KDM6A: variants seen among roughly 807,000 people sequenced by gnomAD.
The protein encoded by KDM6A is lysine demethylase 6A.
In KDM6A, 11 loss-of-function variants were observed where a neutral mutation model predicts 117.6. That is an observed-to-expected ratio of 0.09 (90% CI 0.06 to 0.15). The LOEUF (loss-of-function observed/expected upper bound fraction) is 0.15. KDM6A is among the 10% of genes least tolerant of loss of function. The pLI, the probability that KDM6A is intolerant of heterozygous loss-of-function variation, is 1.00. For synonymous variants in KDM6A, 384 were observed against 396.1 expected, an observed-to-expected ratio of 0.97 and a Z score of 0.36; for missense variants, 799 against 1,077.3, an observed-to-expected ratio of 0.74 and a Z score of 3.62.
In KDM6A at chrX:44,873,462, G is replaced by A; in HGVS notation, c.-90G>A. ...GAGGAGGCGGCGATAAAGTTGGTGTGCTGGTCCCGCGCGCAGATTGGGGGC... is the reference window on the plus strand; with the variant it reads ...GAGGAGGCGGCGATAAAGTTGGTGTACTGGTCCCGCGCGCAGATTGGGGGC... On this transcript the variant is annotated 5_prime_UTR_variant, in exon 1 of 30. Transcript: ENST00000611820. 8.7e-7 allele frequency: 1 copy of A among 1,154,029 alleles called. No individual in the cohort carries two copies. Among genetic ancestry groups the A allele is most frequent in the Non-Finnish European group, 1.2e-6 (1 of 847,249 alleles).
intron 4 of KDM6A, among the ~76,000 whole-genome samples, chrX:44,999,419 A>G (rs2041031260): frequency 9.0e-6 from 1 of 110,759 alleles, no homozygotes; most frequent in Non-Finnish European, 1.9e-5. Flanking sequence ...GATTGGCTAA[A>G]GAGAGTGATG....
intron 18 of KDM6A, among the ~76,000 whole-genome samples, chrX:45,076,021 G>A: frequency 9.0e-6 from 1 of 111,212 alleles, no homozygotes; most frequent in East Asian, 2.8e-4. Context: ...AAGAATTATT[G>A]TTAGGGAATA....
At chrX:45,064,967 G>A (rs1428926680) in intron 17 of KDM6A, among the ~76,000 whole-genome samples, 1 of 111,773 alleles carries the variant, frequency 8.9e-6, no homozygotes, top group East Asian at 2.8e-4. Flanking sequence ...TCTACTTGGT[G>A]TAGGTAAATA....
intron 7 of KDM6A, among the ~76,000 whole-genome samples, chrX:45,036,715 C>T (rs929759622): frequency 9.8e-5 from 11 of 112,128 alleles, no homozygotes; most frequent in African/African-American, 3.2e-4. Context: ...AGAAAACAAC[C>T]GATTATCTTT....
At chrX:45,064,807 G>T (rs750157863) in intron 17 of KDM6A, among the ~76,000 whole-genome samples, 1 of 111,673 alleles carries the variant, frequency 9.0e-6, no homozygotes, top group Non-Finnish European at 1.9e-5. Flanking sequence ...AGATTTTTAA[G>T]TTTATTCTTG....
At chrX:44,968,411 A>G (rs182125474) in intron 3 of KDM6A, among the ~76,000 whole-genome samples, 9 of 112,405 alleles carry the variant, frequency 8.0e-5, no homozygotes, top group Admixed American at 3.8e-4. Flanking sequence ...AAGCTAACCC[A>G]TGAACCTCCG....
chrX:45,062,838 T>G (rs1301571770), intron 16 of KDM6A, 90 bp downstream of exon 16: 2 of 585,008 alleles, frequency 3.4e-6, no homozygotes, highest in East Asian at 7.0e-5. Context: ...TTTATGTTCA[T>G]TTTTACTTTC....
intron 27 of KDM6A, among the ~76,000 whole-genome samples, chrX:45,094,016 C>T (rs2046002083): frequency 9.0e-6 from 1 of 111,558 alleles, no homozygotes; most frequent in African/African-American, 3.3e-5. Flanking sequence ...GCTTGAGTAC[C>T]TATTGACACA....
intron 8 of KDM6A, among the ~76,000 whole-genome samples, chrX:45,040,677 C>A (rs1284218751): frequency 2.9e-4 from 18 of 62,635 alleles, no homozygotes; most frequent in Non-Finnish European, 5.1e-4. Flanking sequence ...GGGGGGCTGA[C>A]CCCCCCCACC....
intron 17 of KDM6A, among the ~76,000 whole-genome samples, chrX:45,064,744 G>T (rs1435031700): frequency 8.9e-6 from 1 of 111,926 alleles, no homozygotes; most frequent in Non-Finnish European, 1.9e-5. Flanking sequence ...ATATTTGGCT[G>T]ATTGTCGGTT....
At chrX:44,960,716 G>C (rs889379885) in intron 2 of KDM6A, among the ~76,000 whole-genome samples, 13 of 111,708 alleles carry the variant, frequency 1.2e-4, no homozygotes, top group African/African-American at 4.2e-4. Context: ...ATTGGAGTTA[G>C]GAAGTAAGAT....
intron 8 of KDM6A, among the ~76,000 whole-genome samples, chrX:45,039,187 C>T (rs1338164697): frequency 9.0e-6 from 1 of 110,812 alleles, no homozygotes. Flanking sequence ...TACCTCAACC[C>T]TCCCCATCTG....
chrX:45,047,685 T>TAG (rs2043625404), intron 8 of KDM6A, among the ~76,000 whole-genome samples: 4 of 68,942 alleles, frequency 5.8e-5, no homozygotes, highest in African/African-American at 2.1e-4. Flanking sequence ...TTTTTTTTTT[T>TAG]TTTTTTTTTT....
chrX:45,097,960 T>C (rs2046180148), intron 27 of KDM6A, among the ~76,000 whole-genome samples: 1 of 112,435 alleles, frequency 8.9e-6, no homozygotes, highest in Non-Finnish European at 1.9e-5. Context: ...CATTTGATAA[T>C]GCAGTGAACT....
intron 16 of KDM6A, among the ~76,000 whole-genome samples, 157 bp downstream of exon 16, chrX:45,062,905 G>A (rs1489594927): frequency 1.8e-5 from 2 of 111,824 alleles, no homozygotes; most frequent in African/African-American, 3.3e-5. Context: ...GGTAATTGAC[G>A]GAGATTTTTA....
chrX:44,878,211 A>G (rs1423993762), intron 2 of KDM6A, among the ~76,000 whole-genome samples: 1 of 111,240 alleles, frequency 9.0e-6, no homozygotes, highest in Non-Finnish European at 1.9e-5. Flanking sequence ...CTGAATTCCA[A>G]AATGCTCCAA....
chrX:44,931,887 G>A (rs2036646153), intron 2 of KDM6A, among the ~76,000 whole-genome samples: 1 of 110,624 alleles, frequency 9.0e-6, no homozygotes, highest in Non-Finnish European at 1.9e-5. Context: ...ATGATACAGT[G>A]TGTCTGAGAA....
At chrX:45,043,016 G>A (rs190759733) in intron 8 of KDM6A, among the ~76,000 whole-genome samples, 1 of 112,840 alleles carries the variant, frequency 8.9e-6, no homozygotes, top group East Asian at 2.8e-4. Flanking sequence ...GTGGCCGAGC[G>A]CAGTGGTTCA....
intron 4 of KDM6A, among the ~76,000 whole-genome samples, chrX:45,004,843 C>T (rs905372588): frequency 1.8e-5 from 2 of 111,142 alleles, no homozygotes; most frequent in African/African-American, 6.6e-5. Context: ...ACAAATCATA[C>T]TCCTTTCTTC....
Sources: allele counts gnomAD v4.1 joint callset (sites outside exome capture counted in the v4.1 genomes callset), GRCh38; gene constraint gnomAD v4.1.1; transcripts MANE v1.5; gene names NCBI Gene and HGNC (gene_info 2026-07-23, HGNC 2026-07-21).